C3orf20: variants seen among roughly 807,000 people sequenced by gnomAD.
C3orf20 encodes the protein uncharacterized protein C3orf20.
In C3orf20, 76 loss-of-function variants were observed where a neutral mutation model predicts 88.3. The observed-to-expected ratio is 0.86, with a 90% CI of 0.72 to 1.04. The LOEUF (loss-of-function observed/expected upper bound fraction) is 1.04, where lower values mean the gene tolerates loss of function less well. C3orf20 is among the 50% of genes least tolerant of loss of function. The pLI is 0.00. For missense variants in C3orf20, 1,056 were observed against 1,123.3 expected (o/e 0.94, Z 0.86); for synonymous variants, 436 against 437.4 (o/e 1.00, Z 0.04).
rs375541228 is a variant in C3orf20 at position 14,772,648 on chromosome 3, G to A, written c.2631-143G>A. On this transcript the variant is annotated intron_variant, in intron 16 of 16. Coordinates refer to ENST00000253697, the MANE Select transcript of C3orf20 (RefSeq NM_032137.5). The surrounding 1 kb of genome is among the most constrained non-coding windows in gnomAD (Gnocchi z 4.2). Reference sequence around the variant, plus strand: ...ATGTAGAAAGGTCGCAGGTGCCACCGGGGCCCTCTGGTTGGAACAGCACCC... The same window carrying A: ...ATGTAGAAAGGTCGCAGGTGCCACCAGGGCCCTCTGGTTGGAACAGCACCC... 1.2e-3 allele frequency: 784 copies of A among 640,532 alleles called. 1 individual carries two copies. The highest frequency in any genetic ancestry group is 1.7e-3 in the Non-Finnish European group (622 of 360,438). The allele number at this position is 640,532 out of a possible 1,614,324, so 39.7% of individuals were successfully genotyped here. A position where few individuals can be genotyped will look rare whatever the true frequency, so the allele number is the denominator to read the frequency against.
chr3:14,735,671 G>A (rs1421547851), intron 12 of C3orf20, among the ~76,000 whole-genome samples: 1 of 151,370 alleles, frequency 6.6e-6, no homozygotes, highest in Non-Finnish European at 1.5e-5. Context: ...ACAGCTCACT[G>A]CAACCTCCAC....
At chr3:14,687,413 G>A (rs976233461) in intron 4 of C3orf20, among the ~76,000 whole-genome samples, 10 of 152,118 alleles carry the variant, frequency 6.6e-5, no homozygotes, top group Non-Finnish European at 2.9e-5. Context: ...TCTGTTTTAG[G>A]GGAAGTTACA....
chr3:14,738,593 A>G (rs2034797515), intron 12 of C3orf20, among the ~76,000 whole-genome samples: 1 of 146,420 alleles, frequency 6.8e-6, no homozygotes, highest in Non-Finnish European at 1.5e-5. Context: ...GGCCTCCCAA[A>G]GTGCTGGGAT....
At chr3:14,747,587 C>T (rs1399004099) in intron 12 of C3orf20, among the ~76,000 whole-genome samples, 1 of 152,140 alleles carries the variant, frequency 6.6e-6, no homozygotes, top group Non-Finnish European at 1.5e-5. Flanking sequence ...CACAGGGCTA[C>T]AGTCTAATAA....
chr3:14,685,478 C>CTG, intron 4 of C3orf20, among the ~76,000 whole-genome samples: 1 of 107,484 alleles, frequency 9.3e-6, no homozygotes, highest in South Asian at 2.6e-4. Context: ...CTCTCTCTCT[C>CTG]TCTGTGCGTG....
At chr3:14,709,046 T>C (rs2033635963) in intron 7 of C3orf20, among the ~76,000 whole-genome samples, 1 of 152,128 alleles carries the variant, frequency 6.6e-6, no homozygotes, top group African/African-American at 2.4e-5. Context: ...ATTATGCCAT[T>C]TGCAACAGCA....
rs148510620 is a variant in C3orf20 at position 14,704,385 on chromosome 3, G to A, written c.927G>A (p.Met309Ile). 5.6e-4 allele frequency: 907 copies of A among 1,614,016 alleles called. 3 individuals are homozygous for A. Among genetic ancestry groups the A allele is most frequent in the Middle Eastern group, 9.9e-4 (6 of 6,084 alleles). ...TWKGRNISYP[M>I]ILRNYKAKMP... ...AAGGGAGGAATATCTCCTACCCCAT[G>A]ATCTTACGAAACTACAAGGCAAAGA... Residue 309 changes from methionine (M) to isoleucine (I), a missense_variant, in exon 7 of 17, where the codon ATG (methionine) becomes ATA (isoleucine). By Grantham distance (10) the Met-to-Ile change is conservative (BLOSUM62 1). Coordinates refer to ENST00000253697, the MANE Select transcript of C3orf20 (RefSeq NM_032137.5).
At position 14,683,112 on chromosome 3, in the gene C3orf20, C is replaced by T. The variant is rs778796250; in HGVS notation, c.399C>T (p.Thr133=). The change falls in exon 3 of 17, where the codon ACC becomes ACT. Residue 133 remains threonine, a synonymous_variant. Transcript: ENST00000253697. ...MARQVRTHQE[T]LNRFQQQSIH... ...GTCAGGTGCGCACCCACCAGGAGAC[C>T]CTGAACAGGTTTCAGCAGCAGTCCA... The T allele has an allele frequency of 3.8e-5, 61 of 1,613,996 alleles. No homozygotes were observed. Among genetic ancestry groups the T allele is most frequent in the Middle Eastern group, 1.6e-4 (1 of 6,080 alleles).
intron 9 of C3orf20, among the ~76,000 whole-genome samples, chr3:14,717,724 G>T (rs1043761662): frequency 5.3e-5 from 8 of 152,054 alleles, no homozygotes; most frequent in Non-Finnish European, 7.4e-5. Flanking sequence ...TCAGCCTGAA[G>T]AACTTCTTTT....
At chr3:14,762,860 G>A (rs1448950616) in intron 15 of C3orf20, among the ~76,000 whole-genome samples, 3 of 152,156 alleles carry the variant, frequency 2.0e-5, no homozygotes, top group East Asian at 1.9e-4. Context: ...GGCCTTGTCC[G>A]AGTGGGGCAA....
intron 12 of C3orf20, among the ~76,000 whole-genome samples, chr3:14,729,849 A>G (rs1298892226): frequency 6.6e-6 from 1 of 152,208 alleles, no homozygotes; most frequent in Non-Finnish European, 1.5e-5. Context: ...CTGGCCTGGG[A>G]TTTATCTCTT....
chr3:14,724,104 C>T (rs890317287), intron 10 of C3orf20, among the ~76,000 whole-genome samples: 1 of 152,146 alleles, frequency 6.6e-6, no homozygotes, highest in African/African-American at 2.4e-5. Context: ...CAGGCGTGAG[C>T]CACCGTGCCT....
At chr3:14,697,568 A>G (rs991984872) in intron 5 of C3orf20, among the ~76,000 whole-genome samples, 1 of 151,818 alleles carries the variant, frequency 6.6e-6, no homozygotes, top group Non-Finnish European at 1.5e-5. Flanking sequence ...TTTTTTTATT[A>G]TACTTTAAGT....
chr3:14,702,449 T>C (rs1466361281), intron 5 of C3orf20, among the ~76,000 whole-genome samples: 5 of 150,950 alleles, frequency 3.3e-5, no homozygotes, highest in Admixed American at 6.6e-5. Context: ...TCTTTTTTTT[T>C]TTTTTTTTTG....
At chr3:14,762,199 CACAG>C (rs1191162687) in intron 15 of C3orf20, among the ~76,000 whole-genome samples, 1 of 152,164 alleles carries the variant, frequency 6.6e-6, no homozygotes, top group Non-Finnish European at 1.5e-5. Flanking sequence ...AGCCTCCCCA[CACAG>C]ACAAAGGCCA....
chr3:14,771,949 G>A lies in C3orf20; in HGVS notation c.2496-118G>A, dbSNP rs1181660291. Reference sequence around the variant, plus strand: ...AAGGAGGTCAGAGTCTCCCTTCGCTGCCCTCAGGAGGAGAAGCACTTGTGT... The same window carrying A: ...AAGGAGGTCAGAGTCTCCCTTCGCTACCCTCAGGAGGAGAAGCACTTGTGT... On this transcript the variant is annotated intron_variant, in intron 15 of 16. Coordinates refer to ENST00000253697, the MANE Select transcript of C3orf20 (RefSeq NM_032137.5). 4.6e-6 allele frequency: 6 copies of A among 1,315,636 alleles called. No homozygotes were observed. The African/African-American group carries it at 8.8e-5, about 19-fold the overall frequency. 81.5% of individuals were successfully genotyped at this position (1,315,636 alleles called of 1,614,324 possible).
chr3:14,743,546 C>G (rs2034975881), intron 12 of C3orf20, among the ~76,000 whole-genome samples: 1 of 152,034 alleles, frequency 6.6e-6, no homozygotes, highest in African/African-American at 2.4e-5. Flanking sequence ...TCTCACAGCT[C>G]CACTAGGCAG....
intron 15 of C3orf20, among the ~76,000 whole-genome samples, chr3:14,766,735 A>T (rs2035717879): frequency 2.0e-5 from 3 of 152,216 alleles, no homozygotes; most frequent in Non-Finnish European, 2.9e-5. Flanking sequence ...CCCACCAGGC[A>T]GGGAGGGCAG....
At chr3:14,763,459 C>T (rs1398323270) in intron 15 of C3orf20, among the ~76,000 whole-genome samples, 3 of 152,160 alleles carry the variant, frequency 2.0e-5, no homozygotes, top group Non-Finnish European at 2.9e-5. Flanking sequence ...GGGTCCCACC[C>T]TCATGACTGA....
Sources: allele counts gnomAD v4.1 joint callset (sites outside exome capture counted in the v4.1 genomes callset), GRCh38; gene constraint gnomAD v4.1.1; non-coding constraint Gnocchi (gnomAD v3.1); transcripts MANE v1.5; gene names NCBI Gene and HGNC (gene_info 2026-07-23, HGNC 2026-07-21).